The following FNDC3B variants were observed in gnomAD, a reference collection of about 807,000 sequenced individuals.
The protein encoded by FNDC3B is fibronectin type III domain-containing protein 3B.
In FNDC3B, 12 loss-of-function variants were observed where a neutral mutation model predicts 151.5. That is an observed-to-expected ratio of 0.08 (90% CI 0.05 to 0.13). The LOEUF (loss-of-function observed/expected upper bound fraction) is 0.13, where lower values mean the gene tolerates loss of function less well. Among genes scored for constraint, FNDC3B ranks in the 10% least tolerant of loss-of-function variants. The probability of loss-of-function intolerance (pLI) is 1.00; values close to 1 mark genes in which losing one functional copy is unlikely to be tolerated. For missense variants in FNDC3B, 1,214 were observed against 1,505.3 expected (o/e 0.81, Z 3.20); for synonymous variants, 528 against 549.0 (o/e 0.96, Z 0.54).
At chr3:172,165,137 C>T (rs1722948428) in intron 3 of FNDC3B, among the ~76,000 whole-genome samples, 1 of 152,152 alleles carries the variant, frequency 6.6e-6, no homozygotes, top group South Asian at 2.1e-4. Context: ...CCTCAGGCTC[C>T]GGAGTAGCTG....
At chr3:172,121,565 C>T (rs1327386474) in intron 2 of FNDC3B, among the ~76,000 whole-genome samples, 1 of 152,168 alleles carries the variant, frequency 6.6e-6, no homozygotes, top group Non-Finnish European at 1.5e-5. Context: ...AACACAGATG[C>T]AAGGTAAAAG....
intron 11 of FNDC3B, among the ~76,000 whole-genome samples, chr3:172,311,645 T>A (rs9811589): frequency 0.062 from 9,223 of 149,780 alleles, 1,006 homozygotes; most frequent in African/African-American, 0.21. Context: ...GGCAGGTGGA[T>A]CACGAGGTCA....
intron 6 of FNDC3B, among the ~76,000 whole-genome samples, chr3:172,263,407 C>T (rs546169895): frequency 3.9e-5 from 6 of 152,112 alleles, no homozygotes; most frequent in Admixed American, 2.6e-4. Flanking sequence ...ATTTAAGTGT[C>T]TTGCCAAGCA....
intron 6 of FNDC3B, among the ~76,000 whole-genome samples, chr3:172,255,199 TA>T: frequency 6.6e-6 from 1 of 152,320 alleles, no homozygotes; most frequent in Non-Finnish European, 1.5e-5. Context: ...TTCCTTTGCT[TA>T]AACCCGTCTT....
At chr3:172,042,953 A>T (rs573693489) in intron 1 of FNDC3B, among the ~76,000 whole-genome samples, 1 of 150,390 alleles carries the variant, frequency 6.6e-6, no homozygotes, top group Non-Finnish European at 1.5e-5. Context: ...CTCGCTCTGT[A>T]GCCCAGGCTG....
intron 6 of FNDC3B, among the ~76,000 whole-genome samples, chr3:172,266,941 T>C (rs997246943): frequency 6.6e-6 from 1 of 152,164 alleles, no homozygotes; most frequent in Non-Finnish European, 1.5e-5. Context: ...GCCAGCCCAT[T>C]TGGCTGCATC....
intron 7 of FNDC3B, among the ~76,000 whole-genome samples, chr3:172,289,069 T>C (rs772437555): frequency 4.6e-5 from 7 of 152,242 alleles, no homozygotes; most frequent in Non-Finnish European, 7.3e-5. Context: ...AAATTTATTG[T>C]CATAAAGGTC....
Position 172,399,466 on chromosome 3 carries a change from A to C in FNDC3B, c.*1991A>C, listed in dbSNP as rs1736463100. On this transcript the variant is annotated 3_prime_UTR_variant, in exon 26 of 26. Coordinates refer to ENST00000415807, the MANE Select transcript of FNDC3B (RefSeq NM_022763.4). ...AAACCATAATCATCTCTTGGAAGAA[A>C]ATGCTGAGATCAATGAATTATTCTG... The C allele has an allele frequency of 6.6e-6, 1 of 152,638 alleles. No individual in the cohort carries two copies. The highest frequency in any genetic ancestry group is 2.4e-5 in the African/African-American group (1 of 41,456). The allele number at this position is 152,638 out of a possible 1,614,324, so 9.5% of individuals were successfully genotyped here. A position where few individuals can be genotyped will look rare whatever the true frequency, so the allele number is the denominator to read the frequency against.
intron 6 of FNDC3B, among the ~76,000 whole-genome samples, chr3:172,255,107 A>C (rs1225488924): frequency 6.6e-6 from 1 of 152,100 alleles, no homozygotes; most frequent in Admixed American, 6.6e-5. Flanking sequence ...TCTACTCTCC[A>C]TCTGGCAGCC....
At chr3:172,378,134 T>C in intron 23 of FNDC3B, 136 bp from the exon 24 acceptor site, 1 of 625,400 alleles carries the variant, frequency 1.6e-6, no homozygotes, top group South Asian at 2.5e-5. Flanking sequence ...ATGTAGCAAC[T>C]GGCTGATTAT....
At chr3:172,305,454 G>C (rs1163667364) in intron 9 of FNDC3B, among the ~76,000 whole-genome samples, 6 of 152,154 alleles carry the variant, frequency 3.9e-5, no homozygotes, top group Non-Finnish European at 5.9e-5. Context: ...TTGGCTGACT[G>C]CATCCGTGTT....
chr3:172,104,871 GTTA>G (rs1366891902), intron 1 of FNDC3B, among the ~76,000 whole-genome samples: 9 of 152,072 alleles, frequency 5.9e-5, no homozygotes, highest in Non-Finnish European at 1.3e-4. Context: ...TGTTTCCATG[GTTA>G]TTATCAAAAG....
chr3:172,077,332 A>G (rs1356824804), intron 1 of FNDC3B, among the ~76,000 whole-genome samples: 2 of 152,182 alleles, frequency 1.3e-5, no homozygotes, highest in African/African-American at 4.8e-5. Flanking sequence ...AGATGTAAAT[A>G]TATTTCTAAC....
chr3:172,107,378 T>G lies in FNDC3B; in HGVS notation c.-28-5074T>G, dbSNP rs542741449. On this transcript the variant is annotated intron_variant, in intron 1 of 25. Coordinates refer to ENST00000415807, the MANE Select transcript of FNDC3B (RefSeq NM_022763.4). ...TGTAGTAGAGATGATCTACTTTCTGTTTTTTTTTCTTATTAGTTTTGCAGT... is the reference window on the plus strand; with the variant it reads ...TGTAGTAGAGATGATCTACTTTCTGGTTTTTTTTCTTATTAGTTTTGCAGT... Among the ~76,000 whole-genome samples the G allele has an allele frequency of 3.6e-3, 542 of 150,608 alleles. 4 individuals are homozygous for G. Among genetic ancestry groups the G allele is most frequent in the Middle Eastern group, 0.01 (3 of 292 alleles).
chr3:172,147,678 C>G (rs34364458), intron 3 of FNDC3B, among the ~76,000 whole-genome samples: 32,637 of 152,044 alleles, frequency 0.21, 4,273 homozygotes, highest in South Asian at 0.36. Context: ...TGATTCAGGT[C>G]TGGGGTGGGT....
chr3:172,324,933 G>A (rs142319355), intron 11 of FNDC3B, among the ~76,000 whole-genome samples: 49 of 152,346 alleles, frequency 3.2e-4, no homozygotes, highest in East Asian at 3.9e-4. Flanking sequence ...CCACCAACGC[G>A]CAGAGAAGCG....
Position 172,329,085 on chromosome 3 carries a change from T to A in FNDC3B, c.1379+9T>A, listed in dbSNP as rs1472868423. On this transcript the variant is annotated intron_variant, in intron 12 of 25. Coordinates refer to ENST00000415807, the MANE Select transcript of FNDC3B (RefSeq NM_022763.4). ...AACGACATTGGTACCAGGTATGACGTTTCCTTGTCCTCTTGCCCTTCAGCC... is the reference window on the plus strand; with the variant it reads ...AACGACATTGGTACCAGGTATGACGATTCCTTGTCCTCTTGCCCTTCAGCC... 2 of 1,606,212 alleles carry A rather than the reference T, an allele frequency of 1.2e-6. No homozygotes were observed. Among genetic ancestry groups the A allele is most frequent in the South Asian group, 2.2e-5 (2 of 90,116 alleles).
chr3:172,046,519 C>T (rs1020686574), intron 1 of FNDC3B, among the ~76,000 whole-genome samples: 1 of 151,710 alleles, frequency 6.6e-6, no homozygotes, highest in African/African-American at 2.4e-5. Flanking sequence ...GACAGGGTTT[C>T]ACTTTGTGGC....
At chr3:172,119,835 C>T (rs1180049715) in intron 2 of FNDC3B, among the ~76,000 whole-genome samples, 1 of 152,170 alleles carries the variant, frequency 6.6e-6, no homozygotes, top group Non-Finnish European at 1.5e-5. Flanking sequence ...TTACTGACTC[C>T]ACAGTGGGGC....
Sources: gnomAD v4.1 joint callset for allele counts (sites outside exome capture counted in the v4.1 genomes callset) on GRCh38, gnomAD v4.1.1 for gene constraint, MANE v1.5 for transcripts, NCBI Gene and HGNC (gene_info 2026-07-23, HGNC 2026-07-21) for gene names.